Variants in DSCAM observed in about 807,000 individuals in gnomAD.
DSCAM encodes DS cell adhesion molecule.
In DSCAM, 47 loss-of-function variants were observed where a neutral mutation model predicts 217.7. The ratio of observed to expected loss-of-function variants is 0.22; its 90% CI spans 0.17 to 0.28. The LOEUF is 0.28. Ranked by LOEUF, DSCAM falls within the 10% of genes least tolerant of loss-of-function variation. DSCAM has a pLI of 1.00. For missense variants in DSCAM, 2,080 were observed against 2,618.3 expected, an observed-to-expected ratio of 0.79 and a Z score of 4.49; for synonymous variants, 1,056 against 1,015.3, an observed-to-expected ratio of 1.04 and a Z score of -0.76.
intron 11 of DSCAM, among the ~76,000 whole-genome samples, chr21:40,215,874 A>G (rs548554941): frequency 1.2e-4 from 19 of 152,186 alleles, no homozygotes; most frequent in Non-Finnish European, 2.5e-4. Context: ...CAAATCAATC[A>G]TAAATGACTG....
chr21:40,339,100 G>A lies in DSCAM; in HGVS notation c.1507+19C>T, dbSNP rs1448746459. ...AATGAGTTATGTGTGTTTTTTTGAG[G>A]AGCTGATTTGACAAGCACCTCTTAC... On this transcript the variant is annotated intron_variant, in intron 7 of 32. Coordinates refer to ENST00000400454, the MANE Select transcript of DSCAM (RefSeq NM_001389.5). 4 of 1,609,972 alleles carry A rather than the reference G, an allele frequency of 2.5e-6. No homozygotes were observed. Among genetic ancestry groups the A allele is most frequent in the Non-Finnish European group, 3.4e-6 (4 of 1,178,370 alleles).
intron 11 of DSCAM, among the ~76,000 whole-genome samples, chr21:40,266,638 TATA>T (rs2073532816): frequency 9.4e-6 from 1 of 106,680 alleles, no homozygotes; most frequent in African/African-American, 4.2e-5. Flanking sequence ...AGATGTTTTA[TATA>T]TATATATATA....
At chr21:40,490,187 C>G (rs1322695421) in intron 3 of DSCAM, among the ~76,000 whole-genome samples, 1 of 152,158 alleles carries the variant, frequency 6.6e-6, no homozygotes, top group South Asian at 2.1e-4. Flanking sequence ...AGACCCACCC[C>G]CATGATTCAA....
chr21:40,697,268 C>T (rs2090605885), intron 2 of DSCAM, among the ~76,000 whole-genome samples: 2 of 152,174 alleles, frequency 1.3e-5, no homozygotes, highest in Non-Finnish European at 2.9e-5. Context: ...AATAGTCTCC[C>T]CATTCTGCAT....
intron 3 of DSCAM, among the ~76,000 whole-genome samples, chr21:40,454,510 C>CTA (rs1320164434): frequency 6.6e-6 from 1 of 152,086 alleles, no homozygotes; most frequent in Non-Finnish European, 1.5e-5. Flanking sequence ...TGTAAAGGCA[C>CTA]TATATAGAAC....
chr21:40,628,627 A>G (rs553248097), intron 3 of DSCAM, among the ~76,000 whole-genome samples: 1 of 152,360 alleles, frequency 6.6e-6, no homozygotes, highest in South Asian at 2.1e-4. Context: ...CTCTACAGAA[A>G]AAGTTTGTTG....
chr21:40,463,718 T>TG (rs2075823119), intron 3 of DSCAM, among the ~76,000 whole-genome samples: 1 of 152,200 alleles, frequency 6.6e-6, no homozygotes, highest in South Asian at 2.1e-4. Context: ...TCCAGACCCC[T>TG]GCTCCTTAGA....
At chr21:40,736,670 G>A (rs1189807718) in intron 1 of DSCAM, among the ~76,000 whole-genome samples, 3 of 152,156 alleles carry the variant, frequency 2.0e-5, no homozygotes, top group Non-Finnish European at 4.4e-5. Context: ...TGTCATTCAG[G>A]ACATCTCAAG....
intron 3 of DSCAM, among the ~76,000 whole-genome samples, chr21:40,440,230 G>A (rs1445370407): frequency 6.6e-6 from 1 of 152,136 alleles, no homozygotes. Flanking sequence ...ACACATGGAA[G>A]GAGACAGTAT....
intron 3 of DSCAM, among the ~76,000 whole-genome samples, chr21:40,566,023 G>T (rs985620281): frequency 6.6e-6 from 1 of 152,072 alleles, no homozygotes; most frequent in African/African-American, 2.4e-5. Flanking sequence ...AAACCAAAAG[G>T]GTTTAAGTCT....
intron 3 of DSCAM, among the ~76,000 whole-genome samples, chr21:40,506,621 G>A (rs1254886093): frequency 6.6e-6 from 1 of 152,166 alleles, no homozygotes; most frequent in Non-Finnish European, 1.5e-5. Context: ...TATGGCCAAA[G>A]AAAATGTGGA....
At chr21:40,561,287 C>T (rs2076718655) in intron 3 of DSCAM, among the ~76,000 whole-genome samples, 1 of 152,184 alleles carries the variant, frequency 6.6e-6, no homozygotes, top group South Asian at 2.1e-4. Context: ...CCAGCACCCC[C>T]TGGTGTTAAC....
chr21:40,674,777 C>T (rs2090318657), intron 3 of DSCAM, among the ~76,000 whole-genome samples: 1 of 151,760 alleles, frequency 6.6e-6, no homozygotes, highest in East Asian at 1.9e-4. Context: ...GGACTACAGG[C>T]GCCTGCCACC....
intron 3 of DSCAM, among the ~76,000 whole-genome samples, chr21:40,686,232 G>C (rs889317788): frequency 3.6e-4 from 9 of 24,884 alleles, no homozygotes; most frequent in South Asian, 1.9e-3. Context: ...CACACACAGA[G>C]CTCACACACC....
intron 1 of DSCAM, among the ~76,000 whole-genome samples, chr21:40,780,294 T>G (rs1346449314): frequency 6.6e-6 from 1 of 152,020 alleles, no homozygotes; most frequent in Non-Finnish European, 1.5e-5. Context: ...CTCTAGAAAC[T>G]GACATGCAAC....
chr21:40,249,489 C>T (rs970967888), intron 11 of DSCAM, among the ~76,000 whole-genome samples: 1 of 152,138 alleles, frequency 6.6e-6, no homozygotes, highest in Non-Finnish European at 1.5e-5. Flanking sequence ...ATAAGTCCAA[C>T]TAAACTTTTT....
chr21:40,706,079 G>A (rs753068080), intron 2 of DSCAM, among the ~76,000 whole-genome samples: 3 of 151,782 alleles, frequency 2.0e-5, no homozygotes, highest in Non-Finnish European at 4.4e-5. Flanking sequence ...TACTCTGGAG[G>A]CTGGGCAGGA....
At chr21:40,781,184 C>T (rs980001794) in intron 1 of DSCAM, among the ~76,000 whole-genome samples, 1 of 151,862 alleles carries the variant, frequency 6.6e-6, no homozygotes, top group African/African-American at 2.4e-5. Flanking sequence ...AATTTTTTAA[C>T]ATCTCTACTA....
intron 3 of DSCAM, 82 bp downstream of exon 3, chr21:40,692,728 A>T: frequency 1.3e-6 from 2 of 1,499,422 alleles, no homozygotes; most frequent in South Asian, 2.5e-5. Flanking sequence ...TGAACACATA[A>T]ACGGAGACCC....
Sources: allele counts gnomAD v4.1 joint callset (sites outside exome capture counted in the v4.1 genomes callset), GRCh38; gene constraint gnomAD v4.1.1; transcripts MANE v1.5; gene names NCBI Gene and HGNC (gene_info 2026-07-23, HGNC 2026-07-21).